RAPGEF2: variants seen among roughly 807,000 people sequenced by gnomAD.
RAPGEF2 encodes the protein PDZ domain containing guanine nucleotide exchange factor (GEF) 1.
RAPGEF2 carries 54 observed loss-of-function variants against 186.7 expected under a neutral mutation model. That is an observed-to-expected ratio of 0.29 (90% CI 0.23 to 0.36). RAPGEF2 has a LOEUF of 0.36. Among genes scored for constraint, RAPGEF2 ranks in the 10% least tolerant of loss-of-function variants. The probability of loss-of-function intolerance (pLI) is 1.00; values close to 1 mark genes in which losing one functional copy is unlikely to be tolerated. For missense variants in RAPGEF2, 1,532 were observed against 2,045.0 expected, an observed-to-expected ratio of 0.75 and a Z score of 4.84; for synonymous variants, 712 against 705.9, an observed-to-expected ratio of 1.01 and a Z score of -0.14.
At chr4:159,197,156 A>G (rs764576594) in intron 3 of RAPGEF2, among the ~76,000 whole-genome samples, 25 of 152,230 alleles carry the variant, frequency 1.6e-4, no homozygotes, top group Non-Finnish European at 3.4e-4. Flanking sequence ...TAAATGAGAA[A>G]CATATATGTA....
chr4:159,219,418 C>T (rs550021131), intron 4 of RAPGEF2, among the ~76,000 whole-genome samples: 13 of 125,864 alleles, frequency 1.0e-4, no homozygotes, highest in African/African-American at 3.1e-4. Flanking sequence ...TGCAGTGGTG[C>T]GATCTGGGCT....
At chr4:159,191,109 G>A (rs1748074410) in intron 2 of RAPGEF2, among the ~76,000 whole-genome samples, 1 of 152,088 alleles carries the variant, frequency 6.6e-6, no homozygotes, top group South Asian at 2.1e-4. Context: ...GAGATTACTG[G>A]AGCATAGAGA....
intron 3 of RAPGEF2, among the ~76,000 whole-genome samples, chr4:159,207,376 A>G (rs1192526087): frequency 1.3e-5 from 2 of 152,334 alleles, no homozygotes; most frequent in East Asian, 3.8e-4. Flanking sequence ...GTGTTTTATT[A>G]TCAGTGCCAG....
chr4:159,294,459 G>A (rs369928190), intron 7 of RAPGEF2, among the ~76,000 whole-genome samples: 3 of 152,280 alleles, frequency 2.0e-5, no homozygotes, highest in African/African-American at 7.2e-5. Context: ...TGGAAAACAA[G>A]AGGCTGAGAA....
chr4:159,328,197 G>T (rs573715209), intron 11 of RAPGEF2: 2 of 152,200 alleles, frequency 1.3e-5, no homozygotes, highest in African/African-American at 4.8e-5. Flanking sequence ...TTTTGCTGCT[G>T]TGTACAAAGA....
intron 25 of RAPGEF2, among the ~76,000 whole-genome samples, chr4:159,349,754 T>C (rs1375438178): frequency 6.6e-6 from 1 of 152,216 alleles, no homozygotes; most frequent in African/African-American, 2.4e-5. Flanking sequence ...TGGTTTCTAA[T>C]AATAAACATG....
intron 1 of RAPGEF2, among the ~76,000 whole-genome samples, chr4:159,155,445 G>A (rs1167098431): frequency 6.6e-6 from 1 of 152,150 alleles, no homozygotes; most frequent in East Asian, 1.9e-4. Flanking sequence ...ATAGAATTCT[G>A]TCTTGAGAAG....
chr4:159,321,373 A>AT (rs766430933), intron 9 of RAPGEF2, among the ~76,000 whole-genome samples: 3 of 152,042 alleles, frequency 2.0e-5, no homozygotes, highest in Non-Finnish European at 4.4e-5. Context: ...CAGATGGCTA[A>AT]TTTTTAAAAT....
chr4:159,348,242 A>AGATAGATGGATG (rs544061786), intron 25 of RAPGEF2, among the ~76,000 whole-genome samples: 27 of 144,956 alleles, frequency 1.9e-4, no homozygotes, highest in African/African-American at 3.0e-4. Flanking sequence ...ATAGATAGAT[A>AGATAGATGGATG]GATGGATGGA....
At chr4:159,191,508 A>G (rs757912601) in intron 2 of RAPGEF2, among the ~76,000 whole-genome samples, 10 of 152,210 alleles carry the variant, frequency 6.6e-5, no homozygotes, top group Non-Finnish European at 1.5e-4. Flanking sequence ...TGGGAGGCCA[A>G]GGTGGACGGA....
chr4:159,231,320 C>T (rs1009129939), intron 4 of RAPGEF2, among the ~76,000 whole-genome samples: 2 of 152,048 alleles, frequency 1.3e-5, no homozygotes, highest in African/African-American at 4.8e-5. Flanking sequence ...CAGAACATAT[C>T]TCCATTCTTA....
rs746156168 is a variant in RAPGEF2, at chr4:159,358,168, GCCACCTGA to G, written c.*30_*37del. 1 of 1,607,842 alleles carries G rather than the reference GCCACCTGA, an allele frequency of 6.2e-7. No homozygotes were observed. Among genetic ancestry groups the G allele is most frequent in the South Asian group, 1.1e-5 (1 of 89,914 alleles). On this transcript the variant is annotated 3_prime_UTR_variant, in exon 30 of 30. Transcript: ENST00000691494. The stretch of plus-strand genomic sequence containing the variant: ...ACAGACTTTTCTGGAAGCAGAGCGA[GCCACCTGA>G]AAGGAGAGCACAAGAAGACGTCCTG...
chr4:159,318,911 A>G (rs1392012210), intron 9 of RAPGEF2, among the ~76,000 whole-genome samples: 2 of 152,150 alleles, frequency 1.3e-5, no homozygotes, highest in African/African-American at 2.4e-5. Flanking sequence ...TTAAAGCTTA[A>G]TATTTTTCCA....
In RAPGEF2 at chr4:159,343,035, A is replaced by G. The variant is rs1561318328; in HGVS notation, c.2975A>G (p.Asn992Ser). Reference protein sequence around the residue: ...RLRTTWEKLPNKYEKLFQDLQ... With the variant: ...RLRTTWEKLPSKYEKLFQDLQ... ...CGAACGACCTGGGAGAAACTTCCCAATAAATACGAAAAACTATTTCAAGAT... is the reference window on the plus strand; with the variant it reads ...CGAACGACCTGGGAGAAACTTCCCAGTAAATACGAAAAACTATTTCAAGAT... Residue 992 changes from asparagine to serine, a missense_variant, in exon 21 of 30, where the codon AAT becomes AGT. By Grantham distance (46) the Asn-to-Ser change is conservative (BLOSUM62 1). Coordinates refer to ENST00000691494, the MANE Select transcript of RAPGEF2 (RefSeq NM_001394067.2). 4 of 1,613,984 alleles carry G rather than the reference A, an allele frequency of 2.5e-6. No homozygotes were observed. Among genetic ancestry groups the G allele is most frequent in the Non-Finnish European group, 3.4e-6 (4 of 1,179,976 alleles).
chr4:159,308,542 T>C (rs1763574879), intron 8 of RAPGEF2, among the ~76,000 whole-genome samples: 1 of 152,184 alleles, frequency 6.6e-6, no homozygotes, highest in African/African-American at 2.4e-5. Context: ...TGAGCAACTT[T>C]CTCCCCTAGA....
At chr4:159,264,566 C>A (rs886927647) in intron 7 of RAPGEF2, among the ~76,000 whole-genome samples, 1 of 152,066 alleles carries the variant, frequency 6.6e-6, no homozygotes, top group African/African-American at 2.4e-5. Context: ...TTGCCATTTA[C>A]TTTTTTTAAA....
intron 7 of RAPGEF2, among the ~76,000 whole-genome samples, chr4:159,275,017 A>G (rs537593794): frequency 1.3e-5 from 2 of 151,188 alleles, no homozygotes; most frequent in Non-Finnish European, 3.0e-5. Context: ...AACCCCTAAC[A>G]TAGGCCTTAT....
chr4:159,344,138 C>G lies in RAPGEF2; in HGVS notation c.3278+79C>G, dbSNP rs374484170. 1,924 of 1,456,342 alleles carry G rather than the reference C, an allele frequency of 1.3e-3. 2 individuals are homozygous for G. Among genetic ancestry groups the G allele is most frequent in the Non-Finnish European group, 1.8e-3 (1,848 of 1,039,788 alleles). 90.2% of individuals were successfully genotyped at this position (1,456,342 alleles called of 1,614,324 possible). On this transcript the variant is annotated intron_variant, in intron 23 of 29. Transcript: ENST00000691494. ...ATTGTTTTCTTACCTGCTGTATTTT[C>G]TGATGCTTTGCATTTTTGCATTTTT...
intron 1 of RAPGEF2, among the ~76,000 whole-genome samples, chr4:159,169,375 A>G (rs1045221063): frequency 6.6e-6 from 1 of 152,236 alleles, no homozygotes; most frequent in African/African-American, 2.4e-5. Context: ...GATTTGAAAT[A>G]TGCATACATT....
Sources: gnomAD v4.1 joint callset for allele counts (sites outside exome capture counted in the v4.1 genomes callset) on GRCh38, gnomAD v4.1.1 for gene constraint, MANE v1.5 for transcripts, NCBI Gene and HGNC (gene_info 2026-07-23, HGNC 2026-07-21) for gene names.